Variants in ARHGEF28 observed in about 807,000 individuals in gnomAD.
ARHGEF28 encodes the protein Rho guanine nucleotide exchange factor 28.
In ARHGEF28, 152 loss-of-function variants were observed where a neutral mutation model predicts 206.6. The ratio of observed to expected loss-of-function variants is 0.74; its 90% CI spans 0.64 to 0.84. ARHGEF28 has a LOEUF of 0.84. Ranked by LOEUF, ARHGEF28 falls within the 40% of genes least tolerant of loss-of-function variation. ARHGEF28 has a pLI of 0.00. For missense variants in ARHGEF28, 2,028 were observed against 2,073.2 expected (o/e 0.98, Z 0.42); for synonymous variants, 763 against 776.4 (o/e 0.98, Z 0.29).
chr5:73,864,452 T>C (rs1759581308), intron 16 of ARHGEF28, among the ~76,000 whole-genome samples: 1 of 152,130 alleles, frequency 6.6e-6, no homozygotes, highest in African/African-American at 2.4e-5. Context: ...AGTGGGGAGT[T>C]ACTACCAGCC....
intron 2 of ARHGEF28, among the ~76,000 whole-genome samples, chr5:73,686,318 CCT>C (rs1747466031): frequency 6.6e-6 from 1 of 152,098 alleles, no homozygotes; most frequent in South Asian, 2.1e-4. Flanking sequence ...TCCTCCCCTA[CCT>C]CAAAACAGAC....
intron 8 of ARHGEF28, among the ~76,000 whole-genome samples, chr5:73,795,101 A>C (rs1265999512): frequency 6.6e-6 from 1 of 152,250 alleles, no homozygotes; most frequent in African/African-American, 2.4e-5. Context: ...TGAGAATAAA[A>C]TAACCTGTGT....
At chr5:73,683,957 CTAATA>C (rs1273271948) in intron 1 of ARHGEF28, among the ~76,000 whole-genome samples, 1 of 151,938 alleles carries the variant, frequency 6.6e-6, no homozygotes, top group African/African-American at 2.4e-5. Context: ...TGTGTGGAAA[CTAATA>C]TAAAATAATA....
At chr5:73,699,442 A>G (rs1748452397) in intron 2 of ARHGEF28, among the ~76,000 whole-genome samples, 1 of 152,018 alleles carries the variant, frequency 6.6e-6, no homozygotes. Flanking sequence ...TTTAGGGGAA[A>G]ACTCTAAACA....
chr5:73,759,444 T>C (rs1157883094), intron 4 of ARHGEF28, among the ~76,000 whole-genome samples: 4 of 152,176 alleles, frequency 2.6e-5, no homozygotes, highest in African/African-American at 9.7e-5. Flanking sequence ...TGCTCTTGCC[T>C]GAATAGGGTC....
chr5:73,938,755 G>A (rs921302051), intron 35 of ARHGEF28, among the ~76,000 whole-genome samples: 1 of 152,158 alleles, frequency 6.6e-6, no homozygotes, highest in Non-Finnish European at 1.5e-5. Context: ...GTGACCACAG[G>A]CATGCTTTGT....
At chr5:73,923,108 G>C (rs1469998500) in intron 35 of ARHGEF28, 1 of 1,535,872 alleles carries the variant, frequency 6.5e-7, no homozygotes, top group African/African-American at 1.4e-5. Flanking sequence ...ACAAAGTGCA[G>C]TTGTACGTTG....
intron 1 of ARHGEF28, among the ~76,000 whole-genome samples, chr5:73,674,139 C>A (rs762243023): frequency 2.0e-5 from 3 of 152,102 alleles, no homozygotes; most frequent in Non-Finnish European, 2.9e-5. Flanking sequence ...CCACTGCTCT[C>A]CAGCCTGGGT....
chr5:73,680,172 C>T (rs1177690585), intron 1 of ARHGEF28, among the ~76,000 whole-genome samples: 1 of 152,068 alleles, frequency 6.6e-6, no homozygotes, highest in Non-Finnish European at 1.5e-5. Flanking sequence ...CCATGGCTCA[C>T]ACCTGTAATC....
At chr5:73,755,527 C>A (rs1752259530) in intron 4 of ARHGEF28, among the ~76,000 whole-genome samples, 1 of 152,124 alleles carries the variant, frequency 6.6e-6, no homozygotes, top group Non-Finnish European at 1.5e-5. Flanking sequence ...GGTCATGGAA[C>A]CTCATAACTG....
chr5:73,785,719 C>G (rs1436937366), intron 7 of ARHGEF28, among the ~76,000 whole-genome samples: 2 of 152,168 alleles, frequency 1.3e-5, no homozygotes, highest in Non-Finnish European at 2.9e-5. Flanking sequence ...ACTGTCTTAA[C>G]TTGGTGTCAC....
chr5:73,909,859 A>G lies in ARHGEF28; in HGVS notation c.4609A>G (p.Arg1537Gly), dbSNP rs1340790627. ...LLGHWKHGRQ[R>G]SLPAVLLPGG... ...GGGCCACTGGAAGCACGGCCGGCAG[A>G]GGAGCCTGCCCGCGGTGCTCCTTCC... The change falls in exon 34 of 36, where the codon AGG becomes GGG. Residue 1537 changes from arginine to glycine, a missense_variant. Physicochemically the swap from Arg to Gly is moderately radical, Grantham distance 125. This residue lies in a region of ARHGEF28 where 803 missense variants were observed against 768.0 expected (regional missense o/e 1.05). Coordinates refer to ENST00000513042, the MANE Select transcript of ARHGEF28 (RefSeq NM_001177693.2). 1.3e-6 allele frequency: 2 copies of G among 1,536,198 alleles called. No homozygotes were observed. Among genetic ancestry groups the G allele is most frequent in the African/African-American group, 2.8e-5 (2 of 72,382 alleles).
chr5:73,925,663 A>C (rs1393217990), intron 35 of ARHGEF28, among the ~76,000 whole-genome samples: 2 of 151,940 alleles, frequency 1.3e-5, no homozygotes, highest in African/African-American at 4.8e-5. Flanking sequence ...GCAATCCATC[A>C]CCATGGGTGA....
At chr5:73,704,014 ACT>A (rs1748768985) in intron 2 of ARHGEF28, among the ~76,000 whole-genome samples, 1 of 121,698 alleles carries the variant, frequency 8.2e-6, no homozygotes. Flanking sequence ...ACAGAGTGAG[ACT>A]CTGTCTAAAA....
At chr5:73,736,171 C>T (rs758778414) in intron 2 of ARHGEF28, among the ~76,000 whole-genome samples, 9 of 152,200 alleles carry the variant, frequency 5.9e-5, no homozygotes, top group African/African-American at 1.9e-4. Flanking sequence ...GTCATTTCTT[C>T]GAAGTACTCA....
intron 30 of ARHGEF28, chr5:73,900,934 A>T (rs1332034008): frequency 5.5e-6 from 2 of 363,916 alleles, no homozygotes; most frequent in African/African-American, 2.1e-5. Context: ...CAAGAAAGAA[A>T]AGTACAAAGA....
intron 2 of ARHGEF28, among the ~76,000 whole-genome samples, chr5:73,726,318 C>A (rs1750270841): frequency 6.6e-6 from 1 of 152,190 alleles, no homozygotes; most frequent in African/African-American, 2.4e-5. Context: ...AAACAAAATT[C>A]AAGTTACATA....
At chr5:73,654,529 G>T (rs1001964266) in intron 1 of ARHGEF28, among the ~76,000 whole-genome samples, 1 of 152,162 alleles carries the variant, frequency 6.6e-6, no homozygotes, top group Non-Finnish European at 1.5e-5. Flanking sequence ...TGAAAGTGGG[G>T]GGACCAGTCA....
At chr5:73,632,477 TG>T (rs1432352046) in intron 1 of ARHGEF28, among the ~76,000 whole-genome samples, 1 of 152,232 alleles carries the variant, frequency 6.6e-6, no homozygotes, top group Non-Finnish European at 1.5e-5. Flanking sequence ...GAGGACCTCA[TG>T]ACCATAAAGA....
Sources: allele counts gnomAD v4.1 joint callset (sites outside exome capture counted in the v4.1 genomes callset), GRCh38; gene constraint gnomAD v4.1.1; regional missense constraint gnomAD v4.1.1; transcripts MANE v1.5; gene names NCBI Gene and HGNC (gene_info 2026-07-23, HGNC 2026-07-21).